Variants in PCDHGA8 observed in about 807,000 individuals in gnomAD.
PCDHGA8 encodes protocadherin gamma-A8.
PCDHGA8 carries 45 observed loss-of-function variants against 59.2 expected under a neutral mutation model. The ratio of observed to expected loss-of-function variants is 0.76; its 90% CI spans 0.60 to 0.98. PCDHGA8 has a LOEUF of 0.98. Among genes scored for constraint, PCDHGA8 ranks in the 50% least tolerant of loss-of-function variants. The probability of loss-of-function intolerance (pLI) is 0.00; values close to 1 mark genes in which losing one functional copy is unlikely to be tolerated. For synonymous variants in PCDHGA8, 531 were observed against 519.0 expected (o/e 1.02, Z -0.32); for missense variants, 1,257 against 1,196.2 (o/e 1.05, Z -0.75).
chr5:141,399,850 C>T (rs768366007), intron 1 of PCDHGA8: 1 of 1,612,946 alleles, frequency 6.2e-7, no homozygotes, highest in Non-Finnish European at 8.5e-7. Flanking sequence ...CGATATGGTG[C>T]CGCGCGCTGC....
chr5:141,408,549 T>C, intron 1 of PCDHGA8: 1 of 1,614,016 alleles, frequency 6.2e-7, no homozygotes, highest in Non-Finnish European at 8.5e-7. Flanking sequence ...CCTTTAAATA[T>C]TTTTCATGTC....
At chr5:141,403,732 G>A (rs1472288445) in intron 1 of PCDHGA8, 2 of 1,613,932 alleles carry the variant, frequency 1.2e-6, no homozygotes, top group Non-Finnish European at 1.7e-6. Context: ...CAGGCACCTG[G>A]CTGCTTACTG....
chr5:141,397,273 T>C (rs1324330524), intron 1 of PCDHGA8, among the ~76,000 whole-genome samples: 5 of 152,184 alleles, frequency 3.3e-5, no homozygotes, highest in Non-Finnish European at 1.5e-5. Flanking sequence ...CTACATCATA[T>C]GGGCAGTATA....
Position 141,392,946 on chromosome 5 carries a change from G to C in PCDHGA8, c.133G>C (p.Val45Leu), listed in dbSNP as rs1175467046. The change falls in exon 1 of 4, where the codon GTG becomes CTG. Residue 45 changes from valine (V) to leucine (L), a missense_variant. Physicochemically the swap from Val to Leu is conservative, Grantham distance 32 (BLOSUM62 1). Transcript: ENST00000398604. Reference sequence around the variant, plus strand: ...AGAAGAGACGGACAAAGGCTCCTTCGTGGGTAATATCTCCAAGGACCTGGG... The same window carrying C: ...AGAAGAGACGGACAAAGGCTCCTTCCTGGGTAATATCTCCAAGGACCTGGG... Reference protein sequence around the residue: ...VPEETDKGSFVGNISKDLGLD... With the variant: ...VPEETDKGSFLGNISKDLGLD... 6.8e-6 allele frequency: 11 copies of C among 1,613,940 alleles called. No individual in the cohort carries two copies. The highest frequency in any genetic ancestry group is 9.3e-6 in the Non-Finnish European group (11 of 1,179,898).
Position 141,486,344 on chromosome 5 carries a change from G to C in PCDHGA8, c.2425-8463G>C. 6.2e-7 allele frequency: 1 copy of C among 1,614,062 alleles called. No homozygotes were observed. The highest frequency in any genetic ancestry group is 8.5e-7 in the Non-Finnish European group (1 of 1,180,022). On this transcript the variant is annotated intron_variant, in intron 1 of 3. Transcript: ENST00000398604. The surrounding 1 kb of genome is among the most constrained non-coding windows in gnomAD (Gnocchi z 5.0). Reference sequence around the variant, plus strand: ...CGGAGATGTGAGCCTCCGCATTCCTGACCACTTGCCATTTGCCCTCAAGTC... The same window carrying C: ...CGGAGATGTGAGCCTCCGCATTCCTCACCACTTGCCATTTGCCCTCAAGTC...
At position 141,392,706 on chromosome 5, in the gene PCDHGA8, C is replaced by T. The variant is rs2092579718; in HGVS notation, c.-108C>T. ...GCGAAACCCGACCCCTGTTTGGAGG[C>T]ACTCCAGGTTTCCGGAGGATTGTCA... is the stretch of plus-strand genomic sequence containing the variant. On this transcript the variant is annotated 5_prime_UTR_variant, in exon 1 of 4. Coordinates refer to ENST00000398604, the MANE Select transcript of PCDHGA8 (RefSeq NM_032088.2). 7.8e-7 allele frequency: 1 copy of T among 1,289,828 alleles called. No homozygotes were observed. Among genetic ancestry groups the T allele is most frequent in the South Asian group, 1.6e-5 (1 of 61,254 alleles). The allele number at this position is 1,289,828 out of a possible 1,614,324, so 79.9% of individuals were successfully genotyped here.
At chr5:141,413,396 G>A in intron 1 of PCDHGA8, 1 of 1,614,060 alleles carries the variant, frequency 6.2e-7, no homozygotes, top group Non-Finnish European at 8.5e-7. Flanking sequence ...GTCTCCAGAG[G>A]TAGGACGCAG....
chr5:141,443,938 G>T (rs1330111540), intron 1 of PCDHGA8, among the ~76,000 whole-genome samples: 1 of 152,014 alleles, frequency 6.6e-6, no homozygotes, highest in Non-Finnish European at 1.5e-5. Context: ...CTCACAGCAG[G>T]TTTCCTTATT....
chr5:141,475,527 C>G (rs1462406655), intron 1 of PCDHGA8, among the ~76,000 whole-genome samples: 2 of 152,172 alleles, frequency 1.3e-5, no homozygotes, highest in African/African-American at 2.4e-5. Context: ...ATGCTAAATG[C>G]CTCCTTACAA....
chr5:141,433,122 G>C (rs1442464320), intron 1 of PCDHGA8: 1 of 1,614,134 alleles, frequency 6.2e-7, no homozygotes, highest in Admixed American at 1.7e-5. Flanking sequence ...TTTGAAAAAA[G>C]CGAGCCCCTT....
chr5:141,419,618 C>T (rs746617593), intron 1 of PCDHGA8: 3 of 1,612,326 alleles, frequency 1.9e-6, no homozygotes, highest in South Asian at 1.1e-5. Flanking sequence ...GCCAGGCTAC[C>T]TGGTGACCAA....
At chr5:141,420,420 CAA>C (rs1462714732) in intron 1 of PCDHGA8, 2 of 1,201,950 alleles carry the variant, frequency 1.7e-6, no homozygotes, top group African/African-American at 3.2e-5. Context: ...ATTATTAAAA[CAA>C]AAGTTTAAAT....
intron 1 of PCDHGA8, chr5:141,420,380 C>T (rs1343046478): frequency 7.7e-7 from 1 of 1,306,574 alleles, no homozygotes; most frequent in Non-Finnish European, 1.0e-6. Flanking sequence ...TCATAGAGTT[C>T]GCAAAATATA....
chr5:141,393,484 G>A lies in PCDHGA8; in HGVS notation c.671G>A (p.Ser224Asn). 1 of 1,614,058 alleles carries A rather than the reference G, an allele frequency of 6.2e-7. No homozygotes were observed. The highest frequency in any genetic ancestry group is 8.5e-7 in the Non-Finnish European group (1 of 1,179,910). Residue 224 changes from serine to asparagine, a missense_variant, in exon 1 of 4, where the codon AGC becomes AAC. By Grantham distance (46) the Ser-to-Asn change is conservative. Transcript: ENST00000398604. ...GATGGCGGCAAGCCGCCTCGCTCTAGCACAGTGCGCATCCACGTGACAGTG... is the reference window on the plus strand; with the variant it reads ...GATGGCGGCAAGCCGCCTCGCTCTAACACAGTGCGCATCCACGTGACAGTG... ...ASDGGKPPRSSTVRIHVTVLD... is the reference protein window; with the variant it reads ...ASDGGKPPRSNTVRIHVTVLD...
Position 141,468,058 on chromosome 5 carries a change from C to T in PCDHGA8, c.2425-26749C>T, listed in dbSNP as rs993225792. ...TAGAAAACTAAGCCGGGCACAGTGG[C>T]TCACACCTGTAATCCCAGCACTTTG... On this transcript the variant is annotated intron_variant, in intron 1 of 3. Transcript: ENST00000398604. 1.1e-4 allele frequency among the ~76,000 whole-genome samples: 16 copies of T among 152,140 alleles called. 2 individuals carry two copies. The highest frequency in any genetic ancestry group is 5.2e-4 in the Admixed American group (8 of 15,276).
intron 1 of PCDHGA8, among the ~76,000 whole-genome samples, chr5:141,468,178 T>G (rs1033546956): frequency 1.3e-5 from 2 of 151,580 alleles, no homozygotes; most frequent in African/African-American, 4.8e-5. Context: ...TAGAAAAATT[T>G]GCTGGGCATG....
Position 141,485,302 on chromosome 5 carries a change from T to C in PCDHGA8, c.2425-9505T>C. 1.2e-6 allele frequency: 2 copies of C among 1,614,152 alleles called. No homozygotes were observed. Among genetic ancestry groups the C allele is most frequent in the South Asian group, 2.2e-5 (2 of 91,078 alleles). On this transcript the variant is annotated intron_variant, in intron 1 of 3. Coordinates refer to ENST00000398604, the MANE Select transcript of PCDHGA8 (RefSeq NM_032088.2). This position sits in a 1 kb window ranked among gnomAD's most constrained non-coding sequence, Gnocchi z 5.7. ...TCCCAGAGGAGTCACAGGAAGGGAC[T>C]TTTGTAGGGAATGTCGCTCAAGATT... is the stretch of plus-strand genomic sequence containing the variant.
intron 1 of PCDHGA8, among the ~76,000 whole-genome samples, chr5:141,425,293 T>A (rs1332220576): frequency 1.3e-5 from 2 of 152,172 alleles, no homozygotes; most frequent in African/African-American, 4.8e-5. Context: ...TTATAAAACC[T>A]CATCTAAACT....
rs116187844 is a variant in PCDHGA8, at chr5:141,424,198, C to T, written c.2424+28961C>T. The T allele has an allele frequency of 8.5e-3, 1,543 of 182,010 alleles. 28 individuals are homozygous for T. Among genetic ancestry groups the T allele is most frequent in the African/African-American group, 0.035 (1,445 of 41,852 alleles). The allele number at this position is 182,010 out of a possible 1,614,324, so 11.3% of individuals were successfully genotyped here. ...ATACACATGCACACACACTTATACA[C>T]GTAAGCTTTTCTCTGAGCAATTTTA... On this transcript the variant is annotated intron_variant, in intron 1 of 3. Coordinates refer to ENST00000398604, the MANE Select transcript of PCDHGA8 (RefSeq NM_032088.2).
Sources: allele counts gnomAD v4.1 joint callset (sites outside exome capture counted in the v4.1 genomes callset), GRCh38; gene constraint gnomAD v4.1.1; non-coding constraint Gnocchi (gnomAD v3.1); transcripts MANE v1.5; gene names NCBI Gene and HGNC (gene_info 2026-07-23, HGNC 2026-07-21).